IRX2: variants seen among roughly 807,000 people sequenced by gnomAD.
The protein encoded by IRX2 is iroquois homeobox 2, also known as iroquois-class homeodomain protein IRX-2.
A neutral mutation model predicts 42.9 loss-of-function variants in IRX2; 26 were observed. The observed-to-expected ratio is 0.61, with a 90% CI of 0.44 to 0.84. The LOEUF is 0.84. Ranked by LOEUF, IRX2 falls within the 40% of genes least tolerant of loss-of-function variation. The pLI is 0.00. For synonymous variants in IRX2, 424 were observed against 353.9 expected (o/e 1.20, Z -2.22); for missense variants, 782 against 713.9 (o/e 1.10, Z -1.09).
chr5:2,741,620 T>C (rs1034710469), downstream of IRX2, among the ~76,000 whole-genome samples: 17 of 152,216 alleles, frequency 1.1e-4, no homozygotes, highest in Admixed American at 2.6e-4. Context: ...ATAACCGTGC[T>C]GTTGACACTA....
chr5:2,744,317 T>A (rs1267393163), downstream of IRX2, among the ~76,000 whole-genome samples: 1 of 152,222 alleles, frequency 6.6e-6, no homozygotes, highest in Non-Finnish European at 1.5e-5. Flanking sequence ...CCGTGTTTAT[T>A]TTGTTAAATA....
downstream of IRX2, among the ~76,000 whole-genome samples, chr5:2,744,269 C>T (rs1325456002): frequency 6.6e-6 from 1 of 152,124 alleles, no homozygotes; most frequent in Admixed American, 6.5e-5. Context: ...AAATGTACTG[C>T]CTTAAATGTT....
At position 2,751,228 on chromosome 5, in the gene IRX2, G is replaced by C; in HGVS notation, c.186C>G (p.Phe62Leu). Residue 62 changes from phenylalanine to leucine, a missense_variant, in exon 1 of 4, where the codon TTC (phenylalanine) becomes TTG (leucine). Phe to Leu is a conservative substitution (Grantham distance 22). Coordinates refer to ENST00000302057, the MANE Select transcript of IRX2 (RefSeq NM_033267.5). This position sits in a 1 kb window ranked among gnomAD's most constrained non-coding sequence, Gnocchi z 4.0. Reference sequence around the variant, plus strand: ...CGGCCGAGTACTGCAGCGGGCTCCCGAAGCCGGTGGCCGCCTGCGCCGTGA... The same window carrying C: ...CGGCCGAGTACTGCAGCGGGCTCCCCAAGCCGGTGGCCGCCTGCGCCGTGA... ...AAFTAQAATG[F>L]GSPLQYSADA... is the part of the protein sequence containing the mutation. The C allele has an allele frequency of 7.3e-7, 1 of 1,369,100 alleles. No individual in the cohort carries two copies. The highest frequency in any genetic ancestry group is 9.4e-7 in the Non-Finnish European group (1 of 1,061,296). The allele number at this position is 1,369,100 out of a possible 1,614,324, so 84.8% of individuals were successfully genotyped here.
At chr5:2,739,260 G>A in the IRX2 span, among the ~76,000 whole-genome samples, 1 of 152,230 alleles carries the variant, frequency 6.6e-6, no homozygotes, top group South Asian at 2.1e-4. Context: ...GCGCCCAAGG[G>A]GCGTCCCCCG....
In IRX2 at chr5:2,751,200, C is replaced by A; in HGVS notation, c.214G>T (p.Ala72Ser). ...GGGAAGCCGGCGGCGGCGGCGGCGG[C>A]GTCGGCCGAGTACTGCAGCGGGCTC... is the stretch of plus-strand genomic sequence containing the variant. ...FGSPLQYSAD[A>S]AAAAAGFPSY... The change falls in exon 1 of 4, where the codon GCC becomes TCC. Residue 72 changes from alanine to serine, a missense_variant. Physicochemically the swap from Ala to Ser is moderately conservative, Grantham distance 99. Transcript: ENST00000302057. This position sits in a 1 kb window ranked among gnomAD's most constrained non-coding sequence, Gnocchi z 4.0. The A allele has an allele frequency of 7.9e-7, 1 of 1,273,458 alleles. No individual in the cohort carries two copies. Among genetic ancestry groups the A allele is most frequent in the Non-Finnish European group, 9.9e-7 (1 of 1,012,474 alleles). The allele number at this position is 1,273,458 out of a possible 1,614,324, so 78.9% of individuals were successfully genotyped here.
chr5:2,738,373 A>G, the IRX2 span, among the ~76,000 whole-genome samples: 3 of 152,336 alleles, frequency 2.0e-5, no homozygotes, highest in South Asian at 6.2e-4. Context: ...TTACATTAGC[A>G]TTATAAAACA....
At chr5:2,739,540 G>C in the IRX2 span, among the ~76,000 whole-genome samples, 2 of 152,208 alleles carry the variant, frequency 1.3e-5, no homozygotes, top group Admixed American at 6.5e-5. Flanking sequence ...GGAGAGACCG[G>C]GGGGACCGGG....
Position 2,751,452 on chromosome 5 carries a change from G to A in IRX2, c.-39C>T. 8.6e-7 allele frequency: 1 copy of A among 1,157,894 alleles called. No homozygotes were observed. The highest frequency in any genetic ancestry group is 1.1e-6 in the Non-Finnish European group (1 of 941,902). The allele number at this position is 1,157,894 out of a possible 1,614,324, so 71.7% of individuals were successfully genotyped here. On this transcript the variant is annotated 5_prime_UTR_variant, in exon 1 of 4. Transcript: ENST00000302057. The surrounding 1 kb of genome is among the most constrained non-coding windows in gnomAD (Gnocchi z 4.0). ...CGCGGGGCCCGCGTCACGCCGAGCA[G>A]CGGGCAGGGCGCGCGGCGCCCTCCA...
the IRX2 span, among the ~76,000 whole-genome samples, chr5:2,739,864 C>G: frequency 1.3e-5 from 2 of 152,114 alleles, no homozygotes; most frequent in Non-Finnish European, 2.9e-5. Flanking sequence ...AGGCCGGGGT[C>G]AGGGCGGGAG....
chr5:2,741,213 C>CA (rs2111434686), downstream of IRX2, among the ~76,000 whole-genome samples: 1 of 152,348 alleles, frequency 6.6e-6, no homozygotes, highest in South Asian at 2.1e-4. Context: ...TCGATTTGCC[C>CA]TTTTTCTTGA....
downstream of IRX2, among the ~76,000 whole-genome samples, chr5:2,743,226 G>A (rs377690965): frequency 3.4e-3 from 512 of 151,942 alleles, 3 homozygotes; most frequent in African/African-American, 0.012. Context: ...TCCTCTCTCC[G>A]CTCCCCGCCC....
At position 2,751,545 on chromosome 5, in the gene IRX2, G is replaced by C. The variant is rs1368006484; in HGVS notation, c.-132C>G. ...CGGCCGGCGGAGGCAGGCCGGCCCG[G>C]GTACTAGCCTGGGCGGCCCGCGGGC... On this transcript the variant is annotated 5_prime_UTR_variant, in exon 1 of 4. Coordinates refer to ENST00000302057, the MANE Select transcript of IRX2 (RefSeq NM_033267.5). The surrounding 1 kb of genome is among the most constrained non-coding windows in gnomAD (Gnocchi z 4.0). 1 of 516,842 alleles carries C rather than the reference G, an allele frequency of 1.9e-6. No individual in the cohort carries two copies. The highest frequency in any genetic ancestry group is 2.1e-5 in the African/African-American group (1 of 46,950). 32.0% of individuals were successfully genotyped at this position (516,842 alleles called of 1,614,324 possible). A position where few individuals can be genotyped will look rare whatever the true frequency, so the allele number is the denominator to read the frequency against.
chr5:2,749,300 G>A (rs1737833392), intron 2 of IRX2, 82 bp downstream of exon 2: 1 of 1,510,586 alleles, frequency 6.6e-7, no homozygotes, highest in Admixed American at 2.2e-5. Context: ...TGTCCGGCGG[G>A]CAACGTCCTC....
At chr5:2,749,251 G>T in intron 2 of IRX2, 131 bp downstream of exon 2, 1 of 1,443,774 alleles carries the variant, frequency 6.9e-7, no homozygotes, top group Non-Finnish European at 9.1e-7. Flanking sequence ...CGACCCCAGG[G>T]CAATGTGGTG....
At chr5:2,745,097 TA>T (rs1380253711), downstream of IRX2, among the ~76,000 whole-genome samples, 4 of 152,338 alleles carry the variant, frequency 2.6e-5, no homozygotes, top group Non-Finnish European at 5.9e-5. Flanking sequence ...GGCAGATGTT[TA>T]GACAAGATTT....
rs746409440 is a variant in IRX2 at position 2,751,183 on chromosome 5, G to A, written c.231C>T (p.Ala77=). 74 of 1,236,590 alleles carry A rather than the reference G, an allele frequency of 6.0e-5. No individual in the cohort carries two copies. The highest frequency in any genetic ancestry group is 1.0e-5 in the Non-Finnish European group (10 of 988,238). 76.6% of individuals were successfully genotyped at this position (1,236,590 alleles called of 1,614,324 possible). Residue 77 remains alanine, a synonymous_variant, in exon 1 of 4, where the codon GCC becomes GCT. Transcript: ENST00000302057. This position sits in a 1 kb window ranked among gnomAD's most constrained non-coding sequence, Gnocchi z 4.0. ...CGGTTACCATGTAGGACGGGAAGCC[G>A]GCGGCGGCGGCGGCGGCGTCGGCCG... The part of the protein sequence containing the change: ...QYSADAAAAA[A]GFPSYMGAPY...
At position 2,749,620 on chromosome 5, in the gene IRX2, G is replaced by A. The variant is rs778508655; in HGVS notation, c.417C>T (p.Asn139=). 2.1e-5 allele frequency: 34 copies of A among 1,614,132 alleles called. No individual in the cohort carries two copies. The East Asian group carries it at 6.0e-4, about 29-fold the overall frequency. The change falls in exon 2 of 4, where the codon AAC becomes AAT. Residue 139 remains asparagine (N), a synonymous_variant. Coordinates refer to ENST00000302057, the MANE Select transcript of IRX2 (RefSeq NM_033267.5). ...LKAWLNEHRK[N]PYPTKGEKIM... ...TCTTCTCGCCCTTGGTGGGGTAGGG[G>A]TTCTTGCGGTGCTCGTTGAGCCAGG...
chr5:2,748,426 C>T lies in IRX2; in HGVS notation c.1282G>A (p.Ala428Thr). ...GEALHTAPKA[A>T]SDAGKAGAHP... ...GCGCCCGCCTTGCCCGCGTCGCTGG[C>T]CGCCTTTGGCGCGGTGTGCAGGGCC... is the stretch of plus-strand genomic sequence containing the variant. Residue 428 changes from alanine to threonine, a missense_variant, in exon 3 of 4, where the codon GCC becomes ACC. This residue lies in a region of IRX2 where 520 missense variants were observed against 437.8 expected (regional missense o/e 1.19). Coordinates refer to ENST00000302057, the MANE Select transcript of IRX2 (RefSeq NM_033267.5). The T allele has an allele frequency of 6.5e-7, 1 of 1,533,030 alleles. No homozygotes were observed. Among genetic ancestry groups the T allele is most frequent in the Admixed American group, 2.1e-5 (1 of 48,006 alleles). 95.0% of individuals were successfully genotyped at this position (1,533,030 alleles called of 1,614,324 possible).
chr5:2,741,240 C>T (rs1737533093), downstream of IRX2, among the ~76,000 whole-genome samples: 1 of 152,260 alleles, frequency 6.6e-6, no homozygotes. Context: ...AGGGAAGAGG[C>T]AAGAACTCCT....
Sources: gnomAD v4.1 joint callset for allele counts (sites outside exome capture counted in the v4.1 genomes callset) on GRCh38, gnomAD v4.1.1 for gene constraint, gnomAD v4.1.1 regional missense constraint, Gnocchi (gnomAD v3.1) non-coding constraint, MANE v1.5 for transcripts, NCBI Gene and HGNC (gene_info 2026-07-23, HGNC 2026-07-21) for gene names.